Variants in COLEC12 observed in about 807,000 individuals in gnomAD.
COLEC12 encodes the protein collectin subfamily member 12, also known as collectin-12.
Under a neutral mutation model 71.1 loss-of-function variants are expected in COLEC12, and 33 were observed. The observed-to-expected ratio is 0.46, with a 90% CI of 0.35 to 0.62. The LOEUF (loss-of-function observed/expected upper bound fraction) is 0.62. COLEC12 is among the 20% of genes least tolerant of loss of function. The pLI, the probability that COLEC12 is intolerant of heterozygous loss-of-function variation, is 0.00. For synonymous variants in COLEC12, 350 were observed against 353.0 expected (o/e 0.99, Z 0.10); for missense variants, 765 against 916.1 (o/e 0.84, Z 2.13).
Position 442,002 on chromosome 18 carries a change from TACACACACACACACACAC to T in COLEC12, c.58+38687_58+38704del, listed in dbSNP as rs56024245. 1.4e-3 allele frequency among the ~76,000 whole-genome samples: 170 copies of T among 120,802 alleles called. 2 individuals are homozygous for T. The highest frequency in any genetic ancestry group is 2.4e-3 in the East Asian group (10 of 4,156). The allele number at this position is 120,802 out of a possible 152,430, so 79.3% of individuals were successfully genotyped here. ...GTGACAGAGTGAGACTCTCTCTCTC[TACACACACACACACACAC>T]ACACACACACACACACACACACACA... is the stretch of plus-strand genomic sequence containing the variant. On this transcript the variant is annotated intron_variant, in intron 2 of 9. Transcript: ENST00000400256.
In COLEC12 at chr18:317,998, G is replaced by C. The variant is rs1206424217; in HGVS notation, c.*2047C>G. 1 of 149,824 alleles carries C rather than the reference G, an allele frequency of 6.7e-6. No homozygotes were observed. Among genetic ancestry groups the C allele is most frequent in the Non-Finnish European group, 1.5e-5 (1 of 67,666 alleles). The allele number at this position is 149,824 out of a possible 1,614,324, so 9.3% of individuals were successfully genotyped here. On this transcript the variant is annotated 3_prime_UTR_variant, in exon 10 of 10. Transcript: ENST00000400256. Reference sequence around the variant, plus strand: ...TATTCTTTTTTTTTTTTCTTTTTGAGATGAGTCTCGCTCTGTCGCCCAGGC... The same window carrying C: ...TATTCTTTTTTTTTTTTCTTTTTGACATGAGTCTCGCTCTGTCGCCCAGGC...
At position 346,746 on chromosome 18, in the gene COLEC12, T is replaced by C; in HGVS notation, c.876A>G (p.Ser292=). The change falls in exon 5 of 10, where the codon TCA becomes TCG. Residue 292 remains serine (S), a synonymous_variant. Coordinates refer to ENST00000400256, the MANE Select transcript of COLEC12 (RefSeq NM_130386.3). This position sits in a 1 kb window ranked among gnomAD's most constrained non-coding sequence, Gnocchi z 4.0. ...TGATGTTCTCCATCTGACCTGTGAA[T>C]GAGTTGAGCTGGCTGTTCATATCCT... ...TLEDMNSQLN[S]FTGQMENITT... is the part of the protein sequence containing the mutation. The C allele has an allele frequency of 2.5e-6, 4 of 1,614,230 alleles. No individual in the cohort carries two copies. The highest frequency in any genetic ancestry group is 3.4e-6 in the Non-Finnish European group (4 of 1,180,038).
At chr18:338,286 T>C (rs192646030) in intron 5 of COLEC12, among the ~76,000 whole-genome samples, 208 of 152,370 alleles carry the variant, frequency 1.4e-3, no homozygotes, top group African/African-American at 4.6e-3. Context: ...TAGCCCCTTG[T>C]AGGGTCTGGC....
intron 2 of COLEC12, among the ~76,000 whole-genome samples, chr18:426,364 C>T (rs1567904591): frequency 6.6e-6 from 1 of 152,090 alleles, no homozygotes; most frequent in Admixed American, 6.5e-5. Context: ...GAGGTCTCTG[C>T]ATGTTTTGGG....
At chr18:451,496 C>T (rs1916759601) in intron 2 of COLEC12, among the ~76,000 whole-genome samples, 1 of 152,032 alleles carries the variant, frequency 6.6e-6, no homozygotes, top group South Asian at 2.1e-4. Flanking sequence ...ACCTGTAATC[C>T]CAGCACTTTG....
intron 2 of COLEC12, among the ~76,000 whole-genome samples, chr18:415,579 C>G (rs1915971140): frequency 6.6e-6 from 1 of 152,090 alleles, no homozygotes; most frequent in Non-Finnish European, 1.5e-5. Context: ...ATATTTGTAT[C>G]CCCTACAACA....
chr18:461,139 T>C (rs1916975334), intron 2 of COLEC12, among the ~76,000 whole-genome samples: 1 of 152,206 alleles, frequency 6.6e-6, no homozygotes, highest in South Asian at 2.1e-4. Flanking sequence ...TTAATTTTAT[T>C]TTTCCAGTAC....
chr18:478,923 TG>T (rs1172208026), intron 2 of COLEC12, among the ~76,000 whole-genome samples: 7 of 152,200 alleles, frequency 4.6e-5, no homozygotes, highest in African/African-American at 1.7e-4. Context: ...TGTACTTTTT[TG>T]TGTGTTTTTC....
rs1471316887 is a variant in COLEC12 at position 450,643 on chromosome 18, GAACT to G, written c.58+30060_58+30063del. On this transcript the variant is annotated intron_variant, in intron 2 of 9. Coordinates refer to ENST00000400256, the MANE Select transcript of COLEC12 (RefSeq NM_130386.3). ...CAGGTATTTCTTTATAGTAGTGCAA[GAACT>G]AATACAGAAAATTGGTACTGAGGTG... is the stretch of plus-strand genomic sequence containing the variant. Among the ~76,000 whole-genome samples the G allele has an allele frequency of 5.3e-5, 8 of 152,260 alleles. No homozygotes were observed. In the East Asian group the frequency reaches 1.5e-3, roughly 29 times the overall value.
intron 2 of COLEC12, among the ~76,000 whole-genome samples, chr18:463,552 G>C (rs1182318356): frequency 3.3e-5 from 5 of 152,102 alleles, no homozygotes; most frequent in Non-Finnish European, 5.9e-5. Flanking sequence ...ATTCCTGTGG[G>C]GGCTGGGAGT....
chr18:441,114 G>A lies in COLEC12; in HGVS notation c.58+39593C>T, dbSNP rs570340519. 1.0e-3 allele frequency among the ~76,000 whole-genome samples: 138 copies of A among 133,326 alleles called. 11 individuals are homozygous for A. Among genetic ancestry groups the A allele is most frequent in the South Asian group, 5.7e-3 (20 of 3,532 alleles). 87.5% of individuals were successfully genotyped at this position (133,326 alleles called of 152,430 possible). ...ATACAAAAAATTGGCCAGGCGTGGTGGCGGGCGCCTGTAGTCCCAGCTGCT... is the reference window on the plus strand; with the variant it reads ...ATACAAAAAATTGGCCAGGCGTGGTAGCGGGCGCCTGTAGTCCCAGCTGCT... On this transcript the variant is annotated intron_variant, in intron 2 of 9. Transcript: ENST00000400256.
At position 336,259 on chromosome 18, in the gene COLEC12, G is replaced by A. The variant is rs1914116773; in HGVS notation, c.1328-1029C>T. On this transcript the variant is annotated intron_variant, in intron 5 of 9. Transcript: ENST00000400256. ...ACTCACCCATGGGCCAGCTCAGAGG[G>A]ACGGGAGGTCTCTGTGGGAAAGCCT... 2.0e-5 allele frequency among the ~76,000 whole-genome samples: 3 copies of A among 152,140 alleles called. No homozygotes were observed. In the South Asian group the frequency reaches 6.2e-4, roughly 32 times the overall value.
chr18:424,326 G>A (rs1207654179), intron 2 of COLEC12: 1 of 152,146 alleles, frequency 6.6e-6, no homozygotes, highest in Non-Finnish European at 1.5e-5. Context: ...TTAACACTAA[G>A]CAGTATATAA....
At chr18:409,960 C>T (rs59795000) in intron 2 of COLEC12, among the ~76,000 whole-genome samples, 2,637 of 152,240 alleles carry the variant, frequency 0.017, 43 homozygotes, top group African/African-American at 0.044. Flanking sequence ...AAACTGGCTT[C>T]GAGACCTAGA....
chr18:382,921 A>G (rs1248041194), intron 2 of COLEC12, among the ~76,000 whole-genome samples: 1 of 152,214 alleles, frequency 6.6e-6, no homozygotes, highest in African/African-American at 2.4e-5. Flanking sequence ...TCAGACATTT[A>G]TCATTTCTTT....
intron 2 of COLEC12, among the ~76,000 whole-genome samples, chr18:433,339 A>G (rs995440024): frequency 6.6e-6 from 1 of 152,160 alleles, no homozygotes; most frequent in Non-Finnish European, 1.5e-5. Flanking sequence ...TTGCGCTTGG[A>G]AAGTTGTTAC....
chr18:443,619 C>A (rs1190777337), intron 2 of COLEC12, among the ~76,000 whole-genome samples: 1 of 152,094 alleles, frequency 6.6e-6, no homozygotes, highest in Non-Finnish European at 1.5e-5. Context: ...GTAAGGGGAG[C>A]AAGAATCGGA....
At chr18:456,393 C>A (rs1227531863) in intron 2 of COLEC12, among the ~76,000 whole-genome samples, 1 of 152,166 alleles carries the variant, frequency 6.6e-6, no homozygotes, top group Non-Finnish European at 1.5e-5. Flanking sequence ...GTGCCGTGAG[C>A]AACTTGTACT....
intron 2 of COLEC12, among the ~76,000 whole-genome samples, chr18:424,946 G>C (rs959458288): frequency 6.6e-6 from 1 of 152,142 alleles, no homozygotes; most frequent in Non-Finnish European, 1.5e-5. Context: ...GGGTGTGGGG[G>C]AGAGGAGGCG....
Sources: gnomAD v4.1 joint callset for allele counts (sites outside exome capture counted in the v4.1 genomes callset) on GRCh38, gnomAD v4.1.1 for gene constraint, Gnocchi (gnomAD v3.1) non-coding constraint, MANE v1.5 for transcripts, NCBI Gene and HGNC (gene_info 2026-07-23, HGNC 2026-07-21) for gene names.